The following FRMD8 variants were observed in gnomAD, a reference collection of about 807,000 sequenced individuals.
FRMD8 encodes FERM domain-containing protein 8.
FRMD8 carries 37 observed loss-of-function variants against 54.2 expected under a neutral mutation model. The observed-to-expected ratio is 0.68, with a 90% CI of 0.53 to 0.90. The LOEUF is 0.90. Among genes scored for constraint, FRMD8 ranks in the 40% least tolerant of loss-of-function variants. The pLI, the probability that FRMD8 is intolerant of heterozygous loss-of-function variation, is 0.00. For synonymous variants in FRMD8, 246 were observed against 286.9 expected (o/e 0.86, Z 1.44); for missense variants, 585 against 653.7 (o/e 0.89, Z 1.15).
upstream of FRMD8, chr11:65,382,258 C>T (rs1056657990): frequency 1.1e-5 from 5 of 468,694 alleles, no homozygotes; most frequent in Non-Finnish European, 2.0e-5. The surrounding 1 kb of genome is among the most constrained non-coding windows in gnomAD (Gnocchi z 4.4). Context: ...TGGGTTCCTG[C>T]CCCATGGTCG....
intron 9 of FRMD8, among the ~76,000 whole-genome samples, chr11:65,401,644 C>T (rs1017992084): frequency 1.4e-5 from 2 of 148,074 alleles, no homozygotes; most frequent in Admixed American, 6.7e-5. Flanking sequence ...GGCCCCCTCC[C>T]CCTTCTCAGC....
chr11:65,377,287 C>G, the FRMD8 span: 1 of 1,407,026 alleles, frequency 7.1e-7, no homozygotes, highest in Non-Finnish European at 9.2e-7. Flanking sequence ...GGCATCAGGC[C>G]CAAGAGTGAG....
chr11:65,387,441 G>C (rs1464178743), intron 2 of FRMD8, among the ~76,000 whole-genome samples: 2 of 152,192 alleles, frequency 1.3e-5, no homozygotes, highest in Non-Finnish European at 2.9e-5. Flanking sequence ...AAGGTGGGCA[G>C]ACCACATGTG....
chr11:65,386,267 C>T (rs981625390), upstream of FRMD8, among the ~76,000 whole-genome samples: 8 of 152,162 alleles, frequency 5.3e-5, no homozygotes, highest in Admixed American at 2.0e-4. Context: ...GAGAGCGCCA[C>T]GGTACAGGCC....
intron 10 of FRMD8, 112 bp from the exon 11 acceptor site, chr11:65,411,130 C>T: frequency 3.7e-6 from 3 of 800,934 alleles, no homozygotes; most frequent in Middle Eastern, 3.9e-4. Context: ...CTCAGTCTGA[C>T]CAGGCTCTGG....
chr11:65,379,414 G>A, the FRMD8 span: 2 of 1,612,712 alleles, frequency 1.2e-6, no homozygotes, highest in Non-Finnish European at 1.7e-6. Flanking sequence ...AGGAAGATGT[G>A]CATGTAGCTG....
chr11:65,386,603 C>G (rs891345805), upstream of FRMD8: 7 of 174,442 alleles, frequency 4.0e-5, no homozygotes, highest in African/African-American at 1.4e-4. Context: ...GGCGGGGCCT[C>G]GGGCGCCGCG....
At chr11:65,399,206 A>T (rs1317245394) in intron 7 of FRMD8, among the ~76,000 whole-genome samples, 2 of 151,926 alleles carry the variant, frequency 1.3e-5, no homozygotes, top group African/African-American at 4.8e-5. Flanking sequence ...TCACCCTGTT[A>T]GCCAGGATGG....
At chr11:65,411,124 GTCTGACCAGGC>G (rs1856320119) in intron 10 of FRMD8, 107 bp from the exon 11 acceptor site, 1 of 760,636 alleles carries the variant, frequency 1.3e-6, no homozygotes, top group Non-Finnish European at 2.1e-6. Flanking sequence ...GGGGAGCTCA[GTCTGACCAGGC>G]TCTGGAAGGA....
intron 7 of FRMD8, among the ~76,000 whole-genome samples, chr11:65,398,761 C>CG (rs1449856293): frequency 6.6e-6 from 1 of 152,172 alleles, no homozygotes; most frequent in African/African-American, 2.4e-5. Context: ...TCAGTGAAAT[C>CG]GGAGGGCTGG....
At position 65,389,218 on chromosome 11, in the gene FRMD8, G is replaced by A. The variant is rs79579182; in HGVS notation, c.86-143G>A. 2,267 of 746,006 alleles carry A rather than the reference G, an allele frequency of 3.0e-3. 43 individuals carry two copies. In the African/African-American group the frequency reaches 0.035, roughly 12 times the overall value. 46.2% of individuals were successfully genotyped at this position (746,006 alleles called of 1,614,324 possible). ...GGGCTCTGCCTCTGGCGAGGACTCT[G>A]TCTCAGGAGCGTAGCCCTGGTCACC... On this transcript the variant is annotated intron_variant, in intron 2 of 10. Transcript: ENST00000317568.
the FRMD8 span, chr11:65,379,693 G>T: frequency 8.0e-7 from 1 of 1,251,496 alleles, no homozygotes. Context: ...GACAGGCAGG[G>T]ATGGGCTGAG....
chr11:65,397,516 G>C (rs1045168805), intron 7 of FRMD8, among the ~76,000 whole-genome samples: 11 of 152,314 alleles, frequency 7.2e-5, no homozygotes, highest in Non-Finnish European at 1.0e-4. Context: ...CTTGGGCCTT[G>C]TGGTCAGAAC....
chr11:65,377,337 C>G, the FRMD8 span: 1 of 1,345,298 alleles, frequency 7.4e-7, no homozygotes, highest in South Asian at 1.8e-5. Context: ...ACTTGCCTGG[C>G]CTACAGCAGG....
At chr11:65,376,475 C>A in the FRMD8 span, 1 of 1,614,214 alleles carries the variant, frequency 6.2e-7, no homozygotes, top group South Asian at 1.1e-5. Context: ...AAGGCGCGGG[C>A]ACTGTTGATG....
intron 3 of FRMD8, among the ~76,000 whole-genome samples, chr11:65,393,052 G>T (rs1046778178): frequency 6.6e-6 from 1 of 152,216 alleles, no homozygotes; most frequent in Non-Finnish European, 1.5e-5. Flanking sequence ...CAGGAGCTGG[G>T]TTGCGTGTGG....
chr11:65,405,605 A>C (rs962350867), intron 10 of FRMD8, among the ~76,000 whole-genome samples: 1 of 152,226 alleles, frequency 6.6e-6, no homozygotes, highest in Admixed American at 6.5e-5. Context: ...CCTGGGAGAC[A>C]GAGCAAGACT....
At chr11:65,390,899 C>T (rs968828304) in intron 3 of FRMD8, among the ~76,000 whole-genome samples, 1 of 152,266 alleles carries the variant, frequency 6.6e-6, no homozygotes, top group Non-Finnish European at 1.5e-5. Flanking sequence ...GTTGCCCGGC[C>T]CACACAGGAG....
chr11:65,389,885 CATG>C (rs1466892010), intron 3 of FRMD8, among the ~76,000 whole-genome samples: 2 of 152,158 alleles, frequency 1.3e-5, no homozygotes, highest in African/African-American at 4.8e-5. Flanking sequence ...GTTTGGGAAC[CATG>C]ATTTCACCTT....
Sources: gnomAD v4.1 joint callset for allele counts (sites outside exome capture counted in the v4.1 genomes callset) on GRCh38, gnomAD v4.1.1 for gene constraint, Gnocchi (gnomAD v3.1) non-coding constraint, MANE v1.5 for transcripts, NCBI Gene and HGNC (gene_info 2026-07-23, HGNC 2026-07-21) for gene names.